TXNDC11: variants seen among roughly 807,000 people sequenced by gnomAD.
TXNDC11 encodes the protein thioredoxin domain-containing protein 11.
TXNDC11 carries 68 observed loss-of-function variants against 78.0 expected under a neutral mutation model. The observed-to-expected ratio is 0.87, with a 90% CI of 0.72 to 1.07. The LOEUF is 1.07. Ranked by LOEUF, TXNDC11 falls within the 50% of genes least tolerant of loss-of-function variation. The pLI is 0.00. For synonymous variants in TXNDC11, 571 were observed against 495.2 expected, an observed-to-expected ratio of 1.15 and a Z score of -2.03; for missense variants, 1,389 against 1,221.8, an observed-to-expected ratio of 1.14 and a Z score of -2.04.
chr16:11,696,426 T>G (rs1027670619), intron 7 of TXNDC11, among the ~76,000 whole-genome samples: 2 of 152,184 alleles, frequency 1.3e-5, no homozygotes, highest in African/African-American at 4.8e-5. Flanking sequence ...TAGGCAGGCT[T>G]TCACTCCCTG....
Position 11,679,581 on chromosome 16 carries a change from C to T in TXNDC11, c.2491G>A (p.Ala831Thr). The T allele has an allele frequency of 6.2e-7, 1 of 1,614,090 alleles. No individual in the cohort carries two copies. Among genetic ancestry groups the T allele is most frequent in the South Asian group, 1.1e-5 (1 of 91,086 alleles). ...QVQVESQLSS[A>T]RRDEHRLRQQ... ...CGCAGCCGGTGCTCATCTCTGCGGG[C>T]ACTGGAGAGCTGGGACTCCACCTGC... Residue 831 changes from alanine to threonine, a missense_variant, in exon 12 of 12, where the codon GCC becomes ACC. Ala to Thr is a moderately conservative substitution (Grantham distance 58). Coordinates refer to ENST00000283033, the MANE Select transcript of TXNDC11 (RefSeq NM_015914.7). This position sits in a 1 kb window ranked among gnomAD's most constrained non-coding sequence, Gnocchi z 4.6.
At chr16:11,721,445 A>T (rs1362665633) in intron 5 of TXNDC11, 132 bp downstream of exon 5, 1 of 533,180 alleles carries the variant, frequency 1.9e-6, no homozygotes, top group East Asian at 4.3e-5. Context: ...TCTAAAAAAA[A>T]ATAAAATAAA....
At chr16:11,737,192 T>C (rs1015163828) in intron 1 of TXNDC11, among the ~76,000 whole-genome samples, 2 of 152,186 alleles carry the variant, frequency 1.3e-5, no homozygotes, top group South Asian at 4.1e-4. Flanking sequence ...CAGCCTGTAA[T>C]TCCAGCACTT....
Position 11,679,277 on chromosome 16 carries a change from TG to T in TXNDC11, c.2794del (p.Gln932SerfsTer57). On this transcript the variant is annotated frameshift_variant, in exon 12 of 12. Coordinates refer to ENST00000283033, the MANE Select transcript of TXNDC11 (RefSeq NM_015914.7). LOFTEE classifies it low-confidence loss of function (END_TRUNC). This position sits in a 1 kb window ranked among gnomAD's most constrained non-coding sequence, Gnocchi z 4.6. ...AGGTGGAGGGGAGCTGCCAGGGAGC[TG>T]GGGGGTGGCTGAGGGCTCAGGCTGC... ...PKQPEPSATP[Q>X]LPGSSPPPAN... 7 of 1,612,928 alleles carry T rather than the reference TG, an allele frequency of 4.3e-6. No individual in the cohort carries two copies. The highest frequency in any genetic ancestry group is 1.1e-5 in the South Asian group (1 of 91,062).
In TXNDC11 at chr16:11,700,585, T is replaced by G. The variant is rs141031693; in HGVS notation, c.794-21A>C. 152 of 1,367,022 alleles carry G rather than the reference T, an allele frequency of 1.1e-4. No homozygotes were observed. The African/African-American group carries it at 1.9e-3, about 17-fold the overall frequency. 84.7% of individuals were successfully genotyped at this position (1,367,022 alleles called of 1,614,324 possible). ...GTAATCTGAAACAGAAAATTTTCCT[T>G]TATTAAAGAAAAGGCCTGTGCCTTA... is the stretch of plus-strand genomic sequence containing the variant. On this transcript the variant is annotated intron_variant, in intron 5 of 11. Coordinates refer to ENST00000283033, the MANE Select transcript of TXNDC11 (RefSeq NM_015914.7).
chr16:11,714,046 A>ATT lies in TXNDC11; in HGVS notation c.793+7529_793+7530dup, dbSNP rs34976718. Among the ~76,000 whole-genome samples, 623 of 148,652 alleles carry ATT rather than the reference A, an allele frequency of 4.2e-3. 5 individuals carry two copies. Among genetic ancestry groups the ATT allele is most frequent in the African/African-American group, 0.013 (519 of 40,614 alleles). On this transcript the variant is annotated intron_variant, in intron 5 of 11. Transcript: ENST00000283033. Reference sequence around the variant, plus strand: ...TGAGCAAGAAAACCCTATCCTTCAGATTTTTTTTTTTTGAGACAAGGTCTC... The same window carrying ATT: ...TGAGCAAGAAAACCCTATCCTTCAGATTTTTTTTTTTTTTGAGACAAGGTCTC...
chr16:11,689,317 C>T (rs527569204), intron 8 of TXNDC11, among the ~76,000 whole-genome samples: 11 of 152,180 alleles, frequency 7.2e-5, no homozygotes, highest in Admixed American at 1.3e-4. Flanking sequence ...GGCAATGCAG[C>T]GTGCAGAATG....
rs150371755 is a variant in TXNDC11, at chr16:11,699,719, A to T, written c.906+733T>A. ...TTAGACATTGTGCCAAGGGGGGCGC[A>T]GGTTTTAAAGGCTGGGTACACTGGG... On this transcript the variant is annotated intron_variant, in intron 6 of 11. Coordinates refer to ENST00000283033, the MANE Select transcript of TXNDC11 (RefSeq NM_015914.7). Among the ~76,000 whole-genome samples the T allele has an allele frequency of 2.0e-5, 3 of 152,352 alleles. No homozygotes were observed. The East Asian group carries it at 5.8e-4, about 29-fold the overall frequency.
chr16:11,720,694 G>A (rs1164875588), intron 5 of TXNDC11, among the ~76,000 whole-genome samples: 1 of 151,200 alleles, frequency 6.6e-6, no homozygotes, highest in Non-Finnish European at 1.5e-5. Context: ...TGGGATTACA[G>A]GCGTGAGCCA....
chr16:11,698,384 G>T, intron 6 of TXNDC11, 59 bp from the exon 7 acceptor site: 1 of 1,500,414 alleles, frequency 6.7e-7, no homozygotes, highest in Non-Finnish European at 9.3e-7. Flanking sequence ...GCAAGCTCAA[G>T]GCACATCAGT....
At chr16:11,707,074 A>G (rs531612935) in intron 5 of TXNDC11, among the ~76,000 whole-genome samples, 8 of 152,196 alleles carry the variant, frequency 5.3e-5, no homozygotes, top group Non-Finnish European at 1.0e-4. Flanking sequence ...ATCTATACCA[A>G]GGGAAAACTG....
At chr16:11,700,615 A>C (rs771119753) in intron 5 of TXNDC11, 51 bp from the exon 6 acceptor site, 17 of 869,558 alleles carry the variant, frequency 2.0e-5, no homozygotes, top group African/African-American at 1.7e-4. Context: ...GCCTTAAAAC[A>C]ACCACAAAAC....
intron 4 of TXNDC11, among the ~76,000 whole-genome samples, chr16:11,728,857 C>T (rs1483995565): frequency 6.6e-6 from 1 of 151,722 alleles, no homozygotes; most frequent in Non-Finnish European, 1.5e-5. Context: ...AAAAATTAGC[C>T]AGGTATGATG....
At chr16:11,702,373 C>G (rs1393142654) in intron 5 of TXNDC11, among the ~76,000 whole-genome samples, 2 of 152,116 alleles carry the variant, frequency 1.3e-5, no homozygotes, top group African/African-American at 4.8e-5. Context: ...AATAAAACAT[C>G]AGTTAAACTA....
chr16:11,740,999 G>A (rs900009072), intron 1 of TXNDC11, among the ~76,000 whole-genome samples: 5 of 123,690 alleles, frequency 4.0e-5, no homozygotes, highest in African/African-American at 1.5e-4. Context: ...TGTGCTACTG[G>A]TATCTAGTGG....
At chr16:11,683,611 T>C (rs1050052348) in intron 11 of TXNDC11, among the ~76,000 whole-genome samples, 3 of 152,090 alleles carry the variant, frequency 2.0e-5, no homozygotes, top group African/African-American at 7.2e-5. Flanking sequence ...CATATGTTCA[T>C]ACAGGCCATG....
At chr16:11,702,882 G>C (rs904206724) in intron 5 of TXNDC11, among the ~76,000 whole-genome samples, 12 of 152,260 alleles carry the variant, frequency 7.9e-5, no homozygotes, top group Middle Eastern at 3.4e-3. Flanking sequence ...GAGTGAGTAT[G>C]TCCCTACTGC....
intron 11 of TXNDC11, among the ~76,000 whole-genome samples, chr16:11,683,770 G>A (rs1466632151): frequency 2.3e-5 from 1 of 43,160 alleles, no homozygotes; most frequent in Non-Finnish European, 4.7e-5. Flanking sequence ...TTTTTTTTTT[G>A]AGGCAGAGCC....
chr16:11,682,980 A>G (rs1251639034), intron 11 of TXNDC11, among the ~76,000 whole-genome samples: 1 of 152,200 alleles, frequency 6.6e-6, no homozygotes, highest in Non-Finnish European at 1.5e-5. Context: ...TTAAAACAGC[A>G]AACGTCATAC....
Sources: allele counts gnomAD v4.1 joint callset (sites outside exome capture counted in the v4.1 genomes callset), GRCh38; gene constraint gnomAD v4.1.1; non-coding constraint Gnocchi (gnomAD v3.1); transcripts MANE v1.5; gene names NCBI Gene and HGNC (gene_info 2026-07-23, HGNC 2026-07-21).